ADGRL2: variants seen among roughly 807,000 people sequenced by gnomAD.
ADGRL2 encodes the protein adhesion G protein-coupled receptor L2.
In ADGRL2, 44 loss-of-function variants were observed where a neutral mutation model predicts 157.4. The ratio of observed to expected loss-of-function variants is 0.28; its 90% confidence interval spans 0.22 to 0.36. The LOEUF (loss-of-function observed/expected upper bound fraction) is 0.36. Ranked by LOEUF, ADGRL2 falls within the 10% of genes least tolerant of loss-of-function variation. The pLI is 1.00. For synonymous variants in ADGRL2, 585 were observed against 624.7 expected (o/e 0.94, Z 0.95); for missense variants, 1,510 against 1,768.9 (o/e 0.85, Z 2.63).
intron 2 of ADGRL2, among the ~76,000 whole-genome samples, chr1:81,868,719 T>C (rs1382711705): frequency 6.6e-6 from 1 of 152,080 alleles, no homozygotes. Flanking sequence ...CCTACAAAAC[T>C]CTGTTAACTT....
chr1:81,370,657 A>G (rs2076146580), intron 1 of ADGRL2, among the ~76,000 whole-genome samples: 1 of 152,124 alleles, frequency 6.6e-6, no homozygotes, highest in Admixed American at 6.6e-5. Flanking sequence ...GACAGTTATA[A>G]CTTATATTGC....
chr1:81,619,384 C>T (rs2081739089), intron 3 of ADGRL2, among the ~76,000 whole-genome samples: 2 of 151,994 alleles, frequency 1.3e-5, no homozygotes. Context: ...CAACAACCTA[C>T]AGCAATTTGC....
chr1:81,776,115 G>A (rs900524191), intron 2 of ADGRL2, among the ~76,000 whole-genome samples: 2 of 151,902 alleles, frequency 1.3e-5, no homozygotes, highest in African/African-American at 4.8e-5. Context: ...CTTCTATCAT[G>A]ATATTACCTC....
At chr1:81,550,808 C>T (rs1037092383) in intron 2 of ADGRL2, among the ~76,000 whole-genome samples, 1 of 151,148 alleles carries the variant, frequency 6.6e-6, no homozygotes, top group Non-Finnish European at 1.5e-5. Flanking sequence ...ATATGCTTTC[C>T]GTTCTACCCT....
Position 81,693,855 on chromosome 1 carries a change from G to A in ADGRL2, c.-142-67956G>A, listed in dbSNP as rs547421322. Among the ~76,000 whole-genome samples the A allele has an allele frequency of 7.9e-5, 12 of 152,238 alleles. No homozygotes were observed. In the South Asian group the frequency reaches 2.1e-3, roughly 26 times the overall value. ...ACACAGAAAAGATATGGACTGGCCC[G>A]AGTTATTGATTCATCCCACAAACAT... On this transcript the variant is annotated intron_variant, in intron 3 of 24. Coordinates refer to the ADGRL2 transcript ENST00000370721.
intron 2 of ADGRL2, among the ~76,000 whole-genome samples, chr1:81,876,227 TTTA>T (rs1312589343): frequency 6.6e-6 from 1 of 152,166 alleles, no homozygotes; most frequent in Admixed American, 6.6e-5. Flanking sequence ...TAAGGTTGGT[TTTA>T]TTATATGCTT....
chr1:81,306,440 A>C (rs1236808971), exon 1 of ADGRL2: 1 of 151,252 alleles, frequency 6.6e-6, no homozygotes. Context: ...ATTTACTGCA[A>C]CTGCTGCCTG....
intron 14 of ADGRL2, 30 bp downstream of exon 14, chr1:81,968,229 G>A (rs1395508144): frequency 1.3e-6 from 2 of 1,581,290 alleles, no homozygotes; most frequent in Non-Finnish European, 1.7e-6. Context: ...ATTAGTAGCA[G>A]AGAAAAACCT....
At chr1:81,406,359 G>A (rs2076853862) in intron 1 of ADGRL2, among the ~76,000 whole-genome samples, 1 of 152,192 alleles carries the variant, frequency 6.6e-6, no homozygotes, top group Non-Finnish European at 1.5e-5. Flanking sequence ...GACTACACGG[G>A]ACCATAATGG....
At position 81,571,371 on chromosome 1, in the gene ADGRL2, T is replaced by TTGTATATATGTATATATAATA. The variant is rs1553125607; in HGVS notation, c.-247-9487_-247-9486insATATGTATATATGTATATATA. Among the ~76,000 whole-genome samples the TTGTATATATGTATATATAATA allele has an allele frequency of 2.0e-5, 3 of 146,852 alleles. No homozygotes were observed. The East Asian group carries it at 5.9e-4, about 29-fold the overall frequency. On this transcript the variant is annotated intron_variant, in intron 2 of 24. Coordinates refer to the ADGRL2 transcript ENST00000370721. ...ATACATATATATATATAATATATAT[T>TTGTATATATGTATATATAATA]TGTATATATGTATATATATGTGTAT...
At chr1:81,733,890 C>T (rs1170448089) in intron 1 of ADGRL2, among the ~76,000 whole-genome samples, 1 of 152,212 alleles carries the variant, frequency 6.6e-6, no homozygotes, top group Non-Finnish European at 1.5e-5. Context: ...AGGTACAAGG[C>T]TTAATACCTG....
intron 1 of ADGRL2, among the ~76,000 whole-genome samples, chr1:81,381,699 C>CA (rs1031670590): frequency 1.3e-5 from 2 of 152,166 alleles, no homozygotes; most frequent in African/African-American, 4.8e-5. Context: ...TCTTCTAATA[C>CA]ATTGATTCGC....
At chr1:81,416,527 TTAAA>T (rs2077037533) in intron 1 of ADGRL2, among the ~76,000 whole-genome samples, 1 of 152,214 alleles carries the variant, frequency 6.6e-6, no homozygotes, top group African/African-American at 2.4e-5. Flanking sequence ...ATGTAGTAGA[TTAAA>T]TAATCAGTTT....
At chr1:81,929,151 G>T (rs1351031158) in intron 3 of ADGRL2, among the ~76,000 whole-genome samples, 2 of 152,094 alleles carry the variant, frequency 1.3e-5, no homozygotes, top group Non-Finnish European at 2.9e-5. Flanking sequence ...GGTAGATTTT[G>T]CATTTTTAAT....
intron 3 of ADGRL2, among the ~76,000 whole-genome samples, chr1:81,930,540 CA>C (rs2095208025): frequency 6.6e-6 from 1 of 152,082 alleles, no homozygotes; most frequent in Non-Finnish European, 1.5e-5. Flanking sequence ...TTGCCATTTG[CA>C]AATTGGGATG....
At chr1:81,444,002 G>T (rs551583534) in intron 1 of ADGRL2, among the ~76,000 whole-genome samples, 5 of 152,130 alleles carry the variant, frequency 3.3e-5, no homozygotes, top group African/African-American at 4.8e-5. Context: ...CCGATGCCCC[G>T]GTAAGTAGTG....
chr1:81,993,591 C>G lies in ADGRL2; in HGVS notation c.*2446C>G, dbSNP rs1456590501. 6.6e-6 allele frequency among the ~76,000 whole-genome samples: 1 copy of G among 152,048 alleles called. No homozygotes were observed. Among genetic ancestry groups the G allele is most frequent in the Non-Finnish European group, 1.5e-5 (1 of 67,988 alleles). ...GGAAGCCATCATTGATCTTTGGCAT[C>G]AAAAGAAAAGTCATTTTTAAAGCAT... is the stretch of plus-strand genomic sequence containing the variant. On this transcript the variant is annotated 3_prime_UTR_variant, in exon 24 of 24. Coordinates refer to ENST00000686636, the MANE Select transcript of ADGRL2 (RefSeq NM_001366006.2).
At chr1:81,454,838 C>T (rs1319552221) in intron 2 of ADGRL2, among the ~76,000 whole-genome samples, 2 of 152,082 alleles carry the variant, frequency 1.3e-5, no homozygotes, top group African/African-American at 4.8e-5. Flanking sequence ...TAGAACAGGC[C>T]GTCAAAGATA....
intron 1 of ADGRL2, among the ~76,000 whole-genome samples, chr1:81,370,513 T>C (rs1210756717): frequency 1.3e-5 from 2 of 152,158 alleles, no homozygotes; most frequent in Non-Finnish European, 2.9e-5. Flanking sequence ...AAATAAGTGC[T>C]ATTGTTCCTA....
Sources: gnomAD v4.1 joint callset for allele counts (sites outside exome capture counted in the v4.1 genomes callset) on GRCh38, gnomAD v4.1.1 for gene constraint, MANE v1.5 for transcripts, NCBI Gene and HGNC (gene_info 2026-07-23, HGNC 2026-07-21) for gene names.